The following ATIC variants were observed in gnomAD, a reference collection of about 807,000 sequenced individuals.
ATIC encodes bifunctional purine biosynthesis protein ATIC.
In ATIC, 64 loss-of-function variants were observed where a neutral mutation model predicts 72.5. The observed-to-expected ratio is 0.88, with a 90% CI of 0.72 to 1.09. ATIC has a LOEUF of 1.09. Ranked by LOEUF, ATIC falls within the 50% of genes least tolerant of loss-of-function variation. ATIC has a pLI of 0.00. For missense variants in ATIC, 787 were observed against 732.4 expected (o/e 1.07, Z -0.86); for synonymous variants, 281 against 267.1 (o/e 1.05, Z -0.51).
chr2:215,365,481 T>C, the ATIC span: 2 of 1,612,850 alleles, frequency 1.2e-6, no homozygotes, highest in Non-Finnish European at 8.5e-7. Context: ...AATAAGGCAC[T>C]AAAAATGATC....
Position 215,346,777 on chromosome 2 carries a change from G to C in ATIC, c.1339G>C (p.Gly447Arg). The change falls in exon 14 of 16, where the codon GGA becomes CGA. Residue 447 changes from glycine (G) to arginine (R), a missense_variant. By Grantham distance (125) the Gly-to-Arg change is moderately radical. Transcript: ENST00000236959. ...KNGQVIGIGA[G>R]QQSRIHCTRL... Reference sequence around the variant, plus strand: ...TCCTCAGGTTATCGGCATTGGAGCAGGACAGCAGTCTCGTATACACTGCAC... The same window carrying C: ...TCCTCAGGTTATCGGCATTGGAGCACGACAGCAGTCTCGTATACACTGCAC... 6.2e-7 allele frequency: 1 copy of C among 1,614,146 alleles called. No homozygotes were observed. Among genetic ancestry groups the C allele is most frequent in the Non-Finnish European group, 8.5e-7 (1 of 1,180,030 alleles).
chr2:215,319,426 C>T (rs1205206380), intron 3 of ATIC, among the ~76,000 whole-genome samples: 1 of 151,930 alleles, frequency 6.6e-6, no homozygotes, highest in Non-Finnish European at 1.5e-5. Context: ...TCCTGTAGTC[C>T]CAGCTACTTG....
At chr2:215,346,172 T>A (rs2053068808) in intron 13 of ATIC, among the ~76,000 whole-genome samples, 1 of 152,036 alleles carries the variant, frequency 6.6e-6, no homozygotes, top group South Asian at 2.1e-4. Flanking sequence ...ATTTATTTAT[T>A]TTTTATAGAG....
At chr2:215,327,111 T>G in intron 7 of ATIC, 133 bp downstream of exon 7, 1 of 1,436,710 alleles carries the variant, frequency 7.0e-7, no homozygotes, top group Non-Finnish European at 9.7e-7. Flanking sequence ...CTGATAACCA[T>G]CTGGTTTGAG....
chr2:215,340,979 G>A (rs565919998), intron 12 of ATIC, among the ~76,000 whole-genome samples: 2 of 152,278 alleles, frequency 1.3e-5, no homozygotes, highest in African/African-American at 4.8e-5. Flanking sequence ...AAGAGGATTG[G>A]TCTCTTAAGC....
downstream of ATIC, among the ~76,000 whole-genome samples, chr2:215,350,606 C>T (rs995266823): frequency 6.6e-6 from 1 of 152,160 alleles, no homozygotes; most frequent in African/African-American, 2.4e-5. Context: ...TGAAATGTTT[C>T]CCAGAATTTC....
chr2:215,365,692 T>A, the ATIC span: 1 of 1,549,282 alleles, frequency 6.5e-7, no homozygotes, highest in Non-Finnish European at 8.9e-7. Flanking sequence ...CACAAGACAG[T>A]AGGTGAACTG....
intron 12 of ATIC, among the ~76,000 whole-genome samples, chr2:215,342,806 G>A (rs6737909): frequency 0.62 from 94,838 of 151,858 alleles, 29,822 homozygotes; most frequent in East Asian, 0.72. Flanking sequence ...CAGCCTCCCA[G>A]GGAGCTGGGA....
chr2:215,317,954 G>A (rs1028865639), intron 2 of ATIC, among the ~76,000 whole-genome samples: 15 of 151,958 alleles, frequency 9.9e-5, no homozygotes, highest in African/African-American at 2.9e-4. Context: ...CAACAGTTAG[G>A]AAATAAATTA....
intron 12 of ATIC, among the ~76,000 whole-genome samples, chr2:215,344,412 G>T (rs1452244859): frequency 6.6e-6 from 1 of 152,128 alleles, no homozygotes; most frequent in Non-Finnish European, 1.5e-5. Flanking sequence ...AGTTGGCCAG[G>T]TGTGGTGGCT....
chr2:215,318,751 T>C lies in ATIC; in HGVS notation c.223+518T>C, dbSNP rs113506270. Among the ~76,000 whole-genome samples, 800 of 152,344 alleles carry C rather than the reference T, an allele frequency of 5.3e-3. 7 individuals are homozygous for C. Among genetic ancestry groups the C allele is most frequent in the African/African-American group, 0.018 (763 of 41,584 alleles). On this transcript the variant is annotated intron_variant, in intron 3 of 15. Transcript: ENST00000236959. ...TGGCTACAGATCATCAGACAAGCCA[T>C]TGACTTACAGAAACGCATAGACTGT...
At chr2:215,365,233 C>G in the ATIC span, among the ~76,000 whole-genome samples, 254 of 152,320 alleles carry the variant, frequency 1.7e-3, 1 homozygote, top group African/African-American at 5.9e-3. Context: ...GTTGAATCTA[C>G]AGACCAATAA....
the ATIC span, chr2:215,362,901 C>T: frequency 7.3e-3 from 1,111 of 152,510 alleles, 5 homozygotes; most frequent in Admixed American, 0.01. Flanking sequence ...AAGAGGGAGT[C>T]CGGGCGCCAT....
intron 7 of ATIC, among the ~76,000 whole-genome samples, chr2:215,331,653 G>A (rs1279035582): frequency 6.6e-6 from 1 of 152,054 alleles, no homozygotes; most frequent in African/African-American, 2.4e-5. Context: ...AAGTGCTGGG[G>A]TCATGGGGGT....
chr2:215,332,251 T>TA, intron 7 of ATIC, 131 bp from the exon 8 acceptor site: 1 of 1,306,368 alleles, frequency 7.7e-7, no homozygotes, highest in Non-Finnish European at 1.1e-6. Flanking sequence ...GATTTTATGT[T>TA]TGTGTGTATC....
chr2:215,360,839 A>T, the ATIC span: 1 of 152,674 alleles, frequency 6.5e-6, no homozygotes, highest in South Asian at 2.1e-4. Context: ...AAGGTGTCTT[A>T]TATCAAATAG....
intron 4 of ATIC, among the ~76,000 whole-genome samples, chr2:215,321,757 T>C (rs1055665069): frequency 1.1e-4 from 16 of 152,224 alleles, no homozygotes; most frequent in Admixed American, 3.9e-4. Context: ...TCCTAGCCAG[T>C]TGTTTACCTC....
intron 7 of ATIC, among the ~76,000 whole-genome samples, chr2:215,327,805 G>C (rs2052845401): frequency 6.6e-6 from 1 of 152,152 alleles, no homozygotes. Flanking sequence ...GAGAGCGATG[G>C]GGGAGGGGAG....
At chr2:215,325,057 C>T (rs1676831710) in intron 4 of ATIC, 184 bp from the exon 5 acceptor site, 1 of 570,354 alleles carries the variant, frequency 1.8e-6, no homozygotes, top group Non-Finnish European at 3.2e-6. Flanking sequence ...TGCTCGACCC[C>T]AGCAGGACAC....
Sources: allele counts gnomAD v4.1 joint callset (sites outside exome capture counted in the v4.1 genomes callset), GRCh38; gene constraint gnomAD v4.1.1; transcripts MANE v1.5; gene names NCBI Gene and HGNC (gene_info 2026-07-23, HGNC 2026-07-21).